The following DLGAP2 variants were observed in gnomAD, a reference collection of about 807,000 sequenced individuals.
DLGAP2 encodes the protein disks large-associated protein 2.
Under a neutral mutation model 100.3 loss-of-function variants are expected in DLGAP2, and 26 were observed. The ratio of observed to expected loss-of-function variants is 0.26; its 90% CI spans 0.19 to 0.36. The LOEUF (loss-of-function observed/expected upper bound fraction) is 0.36, where lower values mean the gene tolerates loss of function less well. Among genes scored for constraint, DLGAP2 ranks in the 10% least tolerant of loss-of-function variants. The probability of loss-of-function intolerance (pLI) is 1.00; values close to 1 mark genes in which losing one functional copy is unlikely to be tolerated. For synonymous variants in DLGAP2, 886 were observed against 630.1 expected (o/e 1.41, Z -6.08); for missense variants, 1,858 against 1,453.2 (o/e 1.28, Z -4.53).
intron 2 of DLGAP2, among the ~76,000 whole-genome samples, chr8:947,290 G>T (rs954744115): frequency 1.3e-5 from 2 of 152,170 alleles, no homozygotes; most frequent in Admixed American, 6.5e-5. Context: ...GGGGCTGGGC[G>T]CCAGGTGGTT....
chr8:1,225,295 G>A (rs1280606735), intron 2 of DLGAP2, among the ~76,000 whole-genome samples: 1 of 152,220 alleles, frequency 6.6e-6, no homozygotes, highest in Admixed American at 6.5e-5. Context: ...AAGGACCTCA[G>A]AAACCTTATG....
At chr8:1,432,342 C>T (rs1229357735) in intron 3 of DLGAP2, among the ~76,000 whole-genome samples, 2 of 152,138 alleles carry the variant, frequency 1.3e-5, no homozygotes, top group Admixed American at 6.5e-5. Context: ...AAATTCTATG[C>T]ACCTTAAAAA....
At chr8:1,537,787 A>G (rs943617248) in intron 4 of DLGAP2, among the ~76,000 whole-genome samples, 1 of 151,996 alleles carries the variant, frequency 6.6e-6, no homozygotes, top group Non-Finnish European at 1.5e-5. Context: ...GGAAGGAAGG[A>G]CAAATGGATA....
intron 4 of DLGAP2, among the ~76,000 whole-genome samples, chr8:1,530,855 G>A (rs1800966181): frequency 6.6e-6 from 1 of 152,172 alleles, no homozygotes; most frequent in Admixed American, 6.5e-5. Context: ...GCAGAGGTAG[G>A]TGAAGACTTG....
rs547057064 is a variant in DLGAP2 at position 851,278 on chromosome 8, C to T, written c.19-56634C>T. Among the ~76,000 whole-genome samples the T allele has an allele frequency of 2.5e-3, 386 of 152,308 alleles. 1 individual carries two copies. The highest frequency in any genetic ancestry group is 8.9e-3 in the African/African-American group (372 of 41,578). The stretch of plus-strand genomic sequence containing the variant: ...CGCACCATCCAGGTGTGTGTGAGTA[C>T]AGTCTGATGTTCGCACCCTGACAAA... On this transcript the variant is annotated intron_variant, in intron 1 of 14. Transcript: ENST00000637795.
chr8:1,151,058 C>T (rs950564912), intron 2 of DLGAP2, among the ~76,000 whole-genome samples: 3 of 152,048 alleles, frequency 2.0e-5, no homozygotes, highest in African/African-American at 7.2e-5. Flanking sequence ...TTTCTTTTTT[C>T]ATTGAAAACG....
chr8:1,379,745 G>A (rs1250148275), intron 3 of DLGAP2: 1 of 152,364 alleles, frequency 6.6e-6, no homozygotes, highest in Admixed American at 6.5e-5. Flanking sequence ...AACCGTGCCT[G>A]GGAGAAGGGA....
At chr8:1,514,325 C>A (rs1042937867) in intron 4 of DLGAP2, among the ~76,000 whole-genome samples, 1 of 152,232 alleles carries the variant, frequency 6.6e-6, no homozygotes, top group African/African-American at 2.4e-5. Flanking sequence ...AAGGGTAACC[C>A]CCAACAGCCC....
intron 2 of DLGAP2, among the ~76,000 whole-genome samples, chr8:1,004,505 G>A (rs1471364263): frequency 2.0e-5 from 3 of 152,184 alleles, no homozygotes; most frequent in Non-Finnish European, 2.9e-5. Flanking sequence ...GCCACAATCA[G>A]GGTTGGAAGT....
At chr8:1,056,699 G>A (rs550257824) in intron 2 of DLGAP2, among the ~76,000 whole-genome samples, 2 of 152,352 alleles carry the variant, frequency 1.3e-5, no homozygotes, top group Admixed American at 1.3e-4. Flanking sequence ...TCTGGAGTCA[G>A]ACTGAGCTGG....
chr8:1,126,292 T>C (rs1486964017), intron 2 of DLGAP2, among the ~76,000 whole-genome samples: 1 of 152,098 alleles, frequency 6.6e-6, no homozygotes, highest in African/African-American at 2.4e-5. Context: ...CCTCCATATA[T>C]AAAAATATAT....
At position 1,197,286 on chromosome 8, in the gene DLGAP2, A is replaced by G. The variant is rs149108221; in HGVS notation, c.74-61565A>G. ...GTCATGTTTCACCAGTTACCTGGCT[A>G]TCACTTATCCCTGTCCATGCTGACA... On this transcript the variant is annotated intron_variant, in intron 2 of 14. Transcript: ENST00000637795. Among the ~76,000 whole-genome samples the G allele has an allele frequency of 5.1e-3, 775 of 152,352 alleles. 15 individuals carry two copies. In the South Asian group the frequency reaches 0.063, roughly 12 times the overall value.
chr8:976,132 G>C (rs1800156540), intron 2 of DLGAP2, among the ~76,000 whole-genome samples: 2 of 152,100 alleles, frequency 1.3e-5, no homozygotes, highest in Non-Finnish European at 2.9e-5. Flanking sequence ...ATAAATCCAA[G>C]AAAGCATGCA....
intron 1 of DLGAP2, among the ~76,000 whole-genome samples, chr8:741,918 C>G (rs1820497226): frequency 6.6e-6 from 1 of 152,206 alleles, no homozygotes; most frequent in Non-Finnish European, 1.5e-5. Context: ...CAGTGCACAG[C>G]CTTGCAGGGA....
intron 3 of DLGAP2, among the ~76,000 whole-genome samples, chr8:1,273,484 G>A (rs1799622834): frequency 1.3e-5 from 2 of 152,200 alleles, no homozygotes; most frequent in Admixed American, 1.3e-4. Flanking sequence ...TGCTCAAGAT[G>A]GATGACCAGG....
At chr8:1,274,323 T>G (rs974423544) in intron 3 of DLGAP2, among the ~76,000 whole-genome samples, 1 of 152,040 alleles carries the variant, frequency 6.6e-6, no homozygotes, top group Non-Finnish European at 1.5e-5. Flanking sequence ...CCACACAGAC[T>G]CTCATGTGAA....
At chr8:1,022,081 A>G (rs6559204) in intron 2 of DLGAP2, among the ~76,000 whole-genome samples, 5,387 of 152,248 alleles carry the variant, frequency 0.035, 343 homozygotes, top group African/African-American at 0.12. Flanking sequence ...TCACCAGCGA[A>G]CAGGTGCAGA....
At chr8:1,233,483 A>G (rs1162139990) in intron 2 of DLGAP2, among the ~76,000 whole-genome samples, 1 of 152,194 alleles carries the variant, frequency 6.6e-6, no homozygotes, top group Non-Finnish European at 1.5e-5. Context: ...GGCTAATCGC[A>G]GAGCGCAGGG....
At chr8:1,211,274 C>G (rs377715313) in intron 2 of DLGAP2, among the ~76,000 whole-genome samples, 1 of 152,130 alleles carries the variant, frequency 6.6e-6, no homozygotes, top group Non-Finnish European at 1.5e-5. Flanking sequence ...ACAGGGTGGC[C>G]GTGGGGACGT....
Sources: gnomAD v4.1 joint callset for allele counts (sites outside exome capture counted in the v4.1 genomes callset) on GRCh38, gnomAD v4.1.1 for gene constraint, MANE v1.5 for transcripts, NCBI Gene and HGNC (gene_info 2026-07-23, HGNC 2026-07-21) for gene names.